GNG2: variants seen among roughly 807,000 people sequenced by gnomAD.
GNG2 encodes the protein G protein subunit gamma 2.
In GNG2, 5 loss-of-function variants were observed where a neutral mutation model predicts 5.5. The observed-to-expected ratio is 0.91, with a 90% CI of 0.48 to 1.92. GNG2 has a LOEUF of 1.92. Among genes scored for constraint, GNG2 ranks in the 30% most tolerant of loss-of-function variants. The pLI, the probability that GNG2 is intolerant of heterozygous loss-of-function variation, is 0.01. For missense variants in GNG2, 55 were observed against 88.4 expected, an observed-to-expected ratio of 0.62 and a Z score of 1.52; for synonymous variants, 28 against 32.0, an observed-to-expected ratio of 0.88 and a Z score of 0.42.
chr14:51,912,450 G>T (rs2140204932), intron 2 of GNG2, among the ~76,000 whole-genome samples: 1 of 152,124 alleles, frequency 6.6e-6, no homozygotes, highest in East Asian at 1.9e-4. Flanking sequence ...GTGAGGAAGA[G>T]ACTGTCACTT....
intron 2 of GNG2, among the ~76,000 whole-genome samples, chr14:51,901,980 A>G (rs1302467741): frequency 6.6e-6 from 1 of 150,526 alleles, no homozygotes; most frequent in Non-Finnish European, 1.5e-5. Flanking sequence ...AAAAAAAAAA[A>G]AAAAAAAAAA....
chr14:51,829,548 T>G (rs189861175), intron 2 of GNG2, among the ~76,000 whole-genome samples: 25 of 152,322 alleles, frequency 1.6e-4, no homozygotes, highest in Admixed American at 1.6e-3. Flanking sequence ...GCATAACTGC[T>G]ATTTCCTACC....
chr14:51,951,409 G>A lies in GNG2; in HGVS notation c.87+644G>A, dbSNP rs1002296526. Among the ~76,000 whole-genome samples the A allele has an allele frequency of 2.6e-5, 4 of 152,138 alleles. No individual in the cohort carries two copies. In the South Asian group the frequency reaches 6.2e-4, roughly 24 times the overall value. ...CCAAGACTTTAAATTCAAACCCTTC[G>A]TTGGTAGTTTTCAGATGAAAACCTT... On this transcript the variant is annotated intron_variant, in intron 3 of 3. Coordinates refer to ENST00000556766, the MANE Select transcript of GNG2 (RefSeq NM_053064.5).
chr14:51,943,409 G>GT (rs1555356907), intron 2 of GNG2, among the ~76,000 whole-genome samples: 1 of 152,152 alleles, frequency 6.6e-6, no homozygotes, highest in Non-Finnish European at 1.5e-5. Flanking sequence ...TGGGTTACAT[G>GT]TAAAATGAAA....
At chr14:51,849,034 T>C (rs1209141106) in intron 2 of GNG2, among the ~76,000 whole-genome samples, 1 of 152,198 alleles carries the variant, frequency 6.6e-6, no homozygotes, top group Non-Finnish European at 1.5e-5. Flanking sequence ...TCTCTTATAG[T>C]TTCTGTGGGT....
chr14:51,914,004 C>T (rs773314253), intron 2 of GNG2: 7 of 493,024 alleles, frequency 1.4e-5, no homozygotes, highest in Non-Finnish European at 2.5e-5. Flanking sequence ...AAAATTTTAT[C>T]TGTAGGTAAG....
At chr14:51,854,743 C>A (rs1882074898) in intron 2 of GNG2, among the ~76,000 whole-genome samples, 1 of 152,122 alleles carries the variant, frequency 6.6e-6, no homozygotes, top group Non-Finnish European at 1.5e-5. Context: ...AAACCCCTGA[C>A]CTCAAGTGAT....
intron 1 of GNG2, among the ~76,000 whole-genome samples, chr14:51,865,307 C>T (rs2357244): frequency 0.92 from 139,276 of 152,120 alleles, 63,804 homozygotes; most frequent in East Asian, 1. Flanking sequence ...AGAGCTGTGT[C>T]GAGATTTAGT....
intron 2 of GNG2, among the ~76,000 whole-genome samples, chr14:51,946,873 C>T (rs1490701561): frequency 6.6e-6 from 1 of 152,054 alleles, no homozygotes; most frequent in Non-Finnish European, 1.5e-5. Context: ...TAGTACTTTA[C>T]AATTCTTTCA....
chr14:51,945,129 C>CAAAAA (rs763915000), intron 2 of GNG2, among the ~76,000 whole-genome samples: 34 of 114,332 alleles, frequency 3.0e-4, no homozygotes, highest in Middle Eastern at 5.1e-3. Flanking sequence ...ACAAAACAAA[C>CAAAAA]AAACAAAAAA....
upstream of GNG2, among the ~76,000 whole-genome samples, chr14:51,858,224 C>T (rs971310858): frequency 6.6e-6 from 1 of 152,146 alleles, no homozygotes; most frequent in Non-Finnish European, 1.5e-5. Flanking sequence ...CCTGGCCAAG[C>T]TATACCCCCA....
chr14:51,942,511 C>T (rs1004142582), intron 2 of GNG2, among the ~76,000 whole-genome samples: 13 of 149,744 alleles, frequency 8.7e-5, no homozygotes, highest in African/African-American at 3.2e-4. Context: ...CAGTATGGGA[C>T]CTTGAGAAAA....
In GNG2 at chr14:51,908,593, A is replaced by G. The variant is rs553647943; in HGVS notation, c.-30+30936A>G. Among the ~76,000 whole-genome samples the G allele has an allele frequency of 9.9e-5, 15 of 151,094 alleles. No homozygotes were observed. The East Asian group carries it at 2.9e-3, about 29-fold the overall frequency. On this transcript the variant is annotated intron_variant, in intron 2 of 3. Transcript: ENST00000556766. ...ATATAGAGAGAGAGAGAGAGAAGAG[A>G]GTGTCTCGCTCTGTCACCCAGGCTG...
At chr14:51,849,546 C>G (rs1881811064) in intron 2 of GNG2, among the ~76,000 whole-genome samples, 1 of 152,180 alleles carries the variant, frequency 6.6e-6, no homozygotes, top group African/African-American at 2.4e-5. Context: ...AGCACCCTTC[C>G]TTGATCATTC....
intron 2 of GNG2, among the ~76,000 whole-genome samples, chr14:51,841,790 C>T (rs1358520662): frequency 6.6e-6 from 1 of 152,106 alleles, no homozygotes; most frequent in Non-Finnish European, 1.5e-5. Flanking sequence ...TCTTTGGGGC[C>T]ATACGATGAC....
intron 2 of GNG2, among the ~76,000 whole-genome samples, chr14:51,842,384 G>A (rs1881507331): frequency 6.6e-6 from 1 of 152,184 alleles, no homozygotes; most frequent in Non-Finnish European, 1.5e-5. Context: ...TCTTTCTACA[G>A]CCTGTAGAGC....
At chr14:51,859,525 A>G (rs1254977126), upstream of GNG2, among the ~76,000 whole-genome samples, 1 of 152,222 alleles carries the variant, frequency 6.6e-6, no homozygotes. Context: ...AATACGTCCT[A>G]TATCCCCAGA....
At chr14:51,926,390 A>C (rs1887322132) in intron 2 of GNG2, among the ~76,000 whole-genome samples, 1 of 152,136 alleles carries the variant, frequency 6.6e-6, no homozygotes, top group South Asian at 2.1e-4. Flanking sequence ...ACAAAAGTAG[A>C]CTCGTGTGTA....
intron 1 of GNG2, among the ~76,000 whole-genome samples, chr14:51,870,481 A>C (rs1044769872): frequency 6.6e-6 from 1 of 152,244 alleles, no homozygotes; most frequent in Non-Finnish European, 1.5e-5. Context: ...ATTAAATTGC[A>C]TTTTCCTGAC....
Sources: allele counts gnomAD v4.1 joint callset (sites outside exome capture counted in the v4.1 genomes callset), GRCh38; gene constraint gnomAD v4.1.1; transcripts MANE v1.5; gene names NCBI Gene and HGNC (gene_info 2026-07-23, HGNC 2026-07-21).